FAM135B: variants seen among roughly 807,000 people sequenced by gnomAD.
FAM135B encodes the protein protein FAM135B.
A neutral mutation model predicts 127.7 loss-of-function variants in FAM135B; 43 were observed. That is an observed-to-expected ratio of 0.34 (90% CI 0.26 to 0.43). The LOEUF is 0.43. FAM135B is among the 20% of genes least tolerant of loss of function. The pLI is 1.00. For missense variants in FAM135B, 1,558 were observed against 1,725.6 expected (o/e 0.90, Z 1.72); for synonymous variants, 670 against 665.1 (o/e 1.01, Z -0.11).
chr8:138,376,955 A>G (rs1831516966), intron 1 of FAM135B, among the ~76,000 whole-genome samples: 1 of 152,230 alleles, frequency 6.6e-6, no homozygotes, highest in Admixed American at 6.5e-5. Context: ...ACAATATACC[A>G]AAATGTTTAA....
intron 2 of FAM135B, among the ~76,000 whole-genome samples, chr8:138,312,760 G>C (rs1369437547): frequency 6.6e-6 from 1 of 152,162 alleles, no homozygotes. Context: ...CCTGCCAAGA[G>C]AAGGACTTCA....
intron 1 of FAM135B, among the ~76,000 whole-genome samples, chr8:138,375,871 T>C (rs1831438813): frequency 6.6e-6 from 1 of 152,166 alleles, no homozygotes. Context: ...GGCAAGGAGA[T>C]GGCATTCCCC....
intron 3 of FAM135B, among the ~76,000 whole-genome samples, chr8:138,270,471 C>T (rs1823295604): frequency 6.6e-6 from 1 of 152,196 alleles, no homozygotes; most frequent in South Asian, 2.1e-4. Context: ...GATGAGGACC[C>T]ACCTAACCTG....
chr8:138,391,764 G>C (rs1832591835), intron 1 of FAM135B, among the ~76,000 whole-genome samples: 1 of 152,184 alleles, frequency 6.6e-6, no homozygotes, highest in African/African-American at 2.4e-5. Context: ...CTTCCTAACA[G>C]CTCCATACAG....
At chr8:138,235,962 A>G (rs1051099960) in intron 7 of FAM135B, among the ~76,000 whole-genome samples, 2 of 152,184 alleles carry the variant, frequency 1.3e-5, no homozygotes, top group African/African-American at 4.8e-5. Context: ...TCTCAGAGAA[A>G]GGTGCTCCCC....
At chr8:138,300,408 C>A (rs1001619824) in intron 3 of FAM135B, among the ~76,000 whole-genome samples, 2 of 152,154 alleles carry the variant, frequency 1.3e-5, no homozygotes, top group Non-Finnish European at 2.9e-5. Flanking sequence ...GCTTCCCTAG[C>A]TCAGAAATAA....
chr8:138,352,713 A>G (rs1829857755), intron 2 of FAM135B, among the ~76,000 whole-genome samples: 1 of 152,218 alleles, frequency 6.6e-6, no homozygotes, highest in Admixed American at 6.5e-5. Flanking sequence ...CTAGGAGGGT[A>G]TTGAGAATGT....
chr8:138,481,393 G>T (rs1054727349), intron 1 of FAM135B, among the ~76,000 whole-genome samples: 1 of 152,224 alleles, frequency 6.6e-6, no homozygotes, highest in Non-Finnish European at 1.5e-5. Flanking sequence ...GTTGAAACTG[G>T]AACAGGATTT....
rs200669811 is a variant in FAM135B, at chr8:138,446,056, C to T, written c.-20+50615G>A. Reference sequence around the variant, plus strand: ...TCATGAATGAACTCCCATTCACAATCGCTTCAAAGAGAATAAAATACCTAG... The same window carrying T: ...TCATGAATGAACTCCCATTCACAATTGCTTCAAAGAGAATAAAATACCTAG... On this transcript the variant is annotated intron_variant, in intron 1 of 19. Coordinates refer to ENST00000395297, the MANE Select transcript of FAM135B (RefSeq NM_015912.4). Among the ~76,000 whole-genome samples the T allele has an allele frequency of 6.2e-4, 95 of 152,122 alleles. 1 individual carries two copies. The highest frequency in any genetic ancestry group is 4.9e-3 in the East Asian group (25 of 5,152).
chr8:138,180,499 C>A (rs1814911357), intron 9 of FAM135B, among the ~76,000 whole-genome samples: 3 of 152,146 alleles, frequency 2.0e-5, no homozygotes, highest in Admixed American at 2.0e-4. Context: ...AAACAAATTA[C>A]TGCTTTTGGG....
chr8:138,242,770 C>G lies in FAM135B; in HGVS notation c.669+172G>C, dbSNP rs918412223. Among the ~76,000 whole-genome samples, 6 of 152,044 alleles carry G rather than the reference C, an allele frequency of 3.9e-5. No individual in the cohort carries two copies. Among genetic ancestry groups the G allele is most frequent in the Admixed American group, 3.3e-4 (5 of 15,254 alleles). ...CCAGGGCTTGGCCTTAGAAATATGT[C>G]TGATAGAGCTTGTAGTGATAAAAAC... On this transcript the variant is annotated intron_variant, in intron 7 of 19. Coordinates refer to ENST00000395297, the MANE Select transcript of FAM135B (RefSeq NM_015912.4). The surrounding 1 kb of genome is among the most constrained non-coding windows in gnomAD (Gnocchi z 9.6).
chr8:138,175,248 C>T (rs1226146870), intron 11 of FAM135B, among the ~76,000 whole-genome samples: 1 of 152,158 alleles, frequency 6.6e-6, no homozygotes, highest in South Asian at 2.1e-4. Flanking sequence ...ATGGACTGGT[C>T]CCTACTGCCC....
Position 138,306,172 on chromosome 8 carries a change from C to T in FAM135B, c.157+4669G>A, listed in dbSNP as rs564955771. On this transcript the variant is annotated intron_variant, in intron 3 of 19. Coordinates refer to ENST00000395297, the MANE Select transcript of FAM135B (RefSeq NM_015912.4). ...AGATGAGGCCAGGCGTGGTGGCTCA[C>T]GCCTGTAATACCAGCACTTTGGGAG... Among the ~76,000 whole-genome samples the T allele has an allele frequency of 9.4e-4, 143 of 152,192 alleles. 1 individual carries two copies. Among genetic ancestry groups the T allele is most frequent in the African/African-American group, 3.3e-3 (137 of 41,536 alleles).
At chr8:138,153,931 G>T (rs1031378005) in intron 12 of FAM135B, among the ~76,000 whole-genome samples, 1 of 152,194 alleles carries the variant, frequency 6.6e-6, no homozygotes, top group Non-Finnish European at 1.5e-5. Context: ...CAGCTTTGAA[G>T]AGAGTAGTGG....
At position 138,152,177 on chromosome 8, in the gene FAM135B, C is replaced by G. The variant is rs1473003358; in HGVS notation, c.2298G>C (p.Lys766Asn). ...EEDEREVALT[K>N]LTKSVSAPHI... The stretch of plus-strand genomic sequence containing the variant: ...GGGGAGCAGATACAGACTTGGTTAA[C>G]TTAGTGAGTGCCACCTCCCGCTCAT... The change falls in exon 13 of 20, where the codon AAG (lysine) becomes AAC (asparagine). Residue 766 changes from lysine to asparagine, a missense_variant. By Grantham distance (94) the Lys-to-Asn change is moderately conservative. Around this residue, in one of 5 missense-constraint regions of FAM135B, gnomAD observed 923 missense variants for 865.3 expected, o/e 1.07. Coordinates refer to ENST00000395297, the MANE Select transcript of FAM135B (RefSeq NM_015912.4). 6.2e-7 allele frequency: 1 copy of G among 1,613,956 alleles called. No homozygotes were observed. The highest frequency in any genetic ancestry group is 1.3e-5 in the African/African-American group (1 of 74,914).
intron 1 of FAM135B, among the ~76,000 whole-genome samples, chr8:138,472,770 G>A (rs761127220): frequency 7.2e-5 from 11 of 152,158 alleles, no homozygotes; most frequent in Non-Finnish European, 1.0e-4. Context: ...CAGCCTCAGC[G>A]AGGGGAGTCC....
chr8:138,242,616 C>T lies in FAM135B; in HGVS notation c.669+326G>A, dbSNP rs556297324. The stretch of plus-strand genomic sequence containing the variant: ...AGCCAGGTTTTGAAACCAGACATGG[C>T]CTTCAACGTTATCACATAGTCTGAG... On this transcript the variant is annotated intron_variant, in intron 7 of 19. Transcript: ENST00000395297. The surrounding 1 kb of genome is among the most constrained non-coding windows in gnomAD (Gnocchi z 9.6). 3.9e-4 allele frequency among the ~76,000 whole-genome samples: 60 copies of T among 152,228 alleles called. No individual in the cohort carries two copies. Among genetic ancestry groups the T allele is most frequent in the Admixed American group, 8.5e-4 (13 of 15,294 alleles).
rs369762960 is a variant in FAM135B at position 138,153,024 on chromosome 8, T to A, written c.1451A>T (p.Glu484Val). Residue 484 changes from glutamate to valine, a missense_variant, in exon 13 of 20, where the codon GAG becomes GTG. This residue lies in a region of FAM135B where 923 missense variants were observed against 865.3 expected (regional missense o/e 1.07). Transcript: ENST00000395297. ...CATATGATTTTGTGTGGCCACATTC[T>A]CACCTGGCTCTGGACACCTTATAAC... Reference protein sequence around the residue: ...EEVIRCPEPGENVATQNHMDM... With the variant: ...EEVIRCPEPGVNVATQNHMDM... The A allele has an allele frequency of 1.2e-5, 20 of 1,614,204 alleles. No individual in the cohort carries two copies. The African/African-American group carries it at 1.9e-4, about 15-fold the overall frequency.
At chr8:138,425,964 C>CATATATATATATATATATATATAT (rs11271386) in intron 1 of FAM135B, among the ~76,000 whole-genome samples, 1 of 110,000 alleles carries the variant, frequency 9.1e-6, no homozygotes, top group Non-Finnish European at 1.9e-5. Flanking sequence ...GCCAGGCCAA[C>CATATATATATATATATATATATAT]ATATATATAT....
Sources: gnomAD v4.1 joint callset for allele counts (sites outside exome capture counted in the v4.1 genomes callset) on GRCh38, gnomAD v4.1.1 for gene constraint, gnomAD v4.1.1 regional missense constraint, Gnocchi (gnomAD v3.1) non-coding constraint, MANE v1.5 for transcripts, NCBI Gene and HGNC (gene_info 2026-07-23, HGNC 2026-07-21) for gene names.